The following WWOX variants were observed in gnomAD, a reference collection of about 807,000 sequenced individuals.
The protein encoded by WWOX is WW domain-containing oxidoreductase.
A neutral mutation model predicts 46.2 loss-of-function variants in WWOX; 69 were observed. That is an observed-to-expected ratio of 1.49 (90% CI 1.23 to 1.82). The LOEUF (loss-of-function observed/expected upper bound fraction) is 1.82. WWOX is among the 40% of genes most tolerant of loss of function. The probability of loss-of-function intolerance (pLI) is 0.00; values close to 1 mark genes in which losing one functional copy is unlikely to be tolerated. For missense variants in WWOX, 919 were observed against 542.6 expected, an observed-to-expected ratio of 1.69 and a Z score of -6.89; for synonymous variants, 359 against 202.6, an observed-to-expected ratio of 1.77 and a Z score of -6.56.
intron 8 of WWOX, among the ~76,000 whole-genome samples, chr16:78,563,661 G>A (rs1482908958): frequency 1.3e-5 from 2 of 151,800 alleles, no homozygotes; most frequent in African/African-American, 4.8e-5. Context: ...TTATCCAGGA[G>A]GAATGATTAG....
At chr16:78,949,001 G>A (rs1272954954) in intron 8 of WWOX, among the ~76,000 whole-genome samples, 1 of 152,102 alleles carries the variant, frequency 6.6e-6, no homozygotes, top group African/African-American at 2.4e-5. Flanking sequence ...GGGGGCACAT[G>A]GCTAGAAATA....
chr16:79,197,970 C>G (rs1440412104), intron 8 of WWOX, among the ~76,000 whole-genome samples: 1 of 152,116 alleles, frequency 6.6e-6, no homozygotes, highest in Non-Finnish European at 1.5e-5. Context: ...TAAATCTTCC[C>G]TTATGTGTAC....
chr16:78,368,587 T>C (rs1195441520), intron 5 of WWOX, among the ~76,000 whole-genome samples: 2 of 152,212 alleles, frequency 1.3e-5, no homozygotes, highest in African/African-American at 2.4e-5. Context: ...TTCATAAATA[T>C]TGAAGAGGCA....
chr16:78,789,372 C>A (rs1465197426), intron 8 of WWOX, among the ~76,000 whole-genome samples: 2 of 152,080 alleles, frequency 1.3e-5, no homozygotes, highest in Non-Finnish European at 2.9e-5. Flanking sequence ...ATGTGAATAT[C>A]CATTTGTCCC....
chr16:78,913,534 C>T (rs1159684156), intron 8 of WWOX, among the ~76,000 whole-genome samples: 1 of 152,050 alleles, frequency 6.6e-6, no homozygotes, highest in Non-Finnish European at 1.5e-5. Flanking sequence ...CTGAGTTCAC[C>T]ACCCAGAGCA....
chr16:78,127,345 T>C (rs2151691712), intron 4 of WWOX, among the ~76,000 whole-genome samples: 1 of 152,200 alleles, frequency 6.6e-6, no homozygotes, highest in Middle Eastern at 3.4e-3. Context: ...TTTCCTAGCT[T>C]CCTGGTTCCC....
intron 8 of WWOX, among the ~76,000 whole-genome samples, chr16:78,947,476 G>C (rs1039925891): frequency 1.3e-5 from 2 of 152,176 alleles, no homozygotes; most frequent in Non-Finnish European, 1.5e-5. Context: ...TCTTCTTCTT[G>C]CAGGGGAGGG....
intron 8 of WWOX, among the ~76,000 whole-genome samples, chr16:79,182,202 G>A (rs1410137461): frequency 6.6e-6 from 1 of 151,774 alleles, no homozygotes; most frequent in Non-Finnish European, 1.5e-5. Context: ...CATGCCCTGT[G>A]TCACCTGACT....
At chr16:78,932,960 T>G (rs924503412) in intron 8 of WWOX, among the ~76,000 whole-genome samples, 2 of 152,172 alleles carry the variant, frequency 1.3e-5, no homozygotes, top group Non-Finnish European at 2.9e-5. Context: ...GGTTGAAACA[T>G]CAGTGTTGAA....
At chr16:78,854,906 C>CTT (rs11324333) in intron 8 of WWOX, among the ~76,000 whole-genome samples, 26 of 141,360 alleles carry the variant, frequency 1.8e-4, no homozygotes, top group South Asian at 4.5e-4. Context: ...TGAACAGCAG[C>CTT]TTTTTTTTTT....
chr16:78,891,644 AAT>A (rs1222018058), intron 8 of WWOX: 1 of 152,160 alleles, frequency 6.6e-6, no homozygotes, highest in Non-Finnish European at 1.5e-5. Context: ...GGTGGCATAA[AAT>A]ATTGAACTAT....
At position 78,314,645 on chromosome 16, in the gene WWOX, C is replaced by G. The variant is rs1477985459; in HGVS notation, c.517-72215C>G. ...GTTCAAGCGATTCTTCTGCCTCAGC[C>G]CCCTGAGTAGCTGGGACTACAGGCA... On this transcript the variant is annotated intron_variant, in intron 5 of 8. Coordinates refer to ENST00000566780, the MANE Select transcript of WWOX (RefSeq NM_016373.4). Among the ~76,000 whole-genome samples the G allele has an allele frequency of 6.7e-5, 10 of 149,304 alleles. No individual in the cohort carries two copies. In the East Asian group the frequency reaches 2.0e-3, roughly 30 times the overall value.
chr16:78,975,448 G>T (rs933880679), intron 8 of WWOX, among the ~76,000 whole-genome samples: 5 of 151,378 alleles, frequency 3.3e-5, no homozygotes, highest in Non-Finnish European at 1.5e-5. Context: ...GGCCTAGAGG[G>T]TTCCCCAACC....
intron 8 of WWOX, among the ~76,000 whole-genome samples, chr16:78,810,999 C>T (rs1289506987): frequency 5.3e-5 from 8 of 152,124 alleles, no homozygotes. Context: ...CATCAAAGAG[C>T]TTCTCTGGTG....
chr16:79,206,474 T>C lies in WWOX; in HGVS notation c.1057-5134T>C, dbSNP rs531911656. On this transcript the variant is annotated intron_variant, in intron 8 of 8. Coordinates refer to ENST00000566780, the MANE Select transcript of WWOX (RefSeq NM_016373.4). ...TCTCTAAATAAATGGAAATACTAAC[T>C]GTCCCTGGCTCATAGAGCTCTGTGA... The C allele has an allele frequency of 4.6e-5, 7 of 152,330 alleles. No homozygotes were observed. The South Asian group carries it at 1.2e-3, about 27-fold the overall frequency. 9.4% of individuals were successfully genotyped at this position (152,330 alleles called of 1,614,324 possible). A position where few individuals can be genotyped will look rare whatever the true frequency, so the allele number is the denominator to read the frequency against.
chr16:79,163,579 A>T (rs1472155311), intron 8 of WWOX, among the ~76,000 whole-genome samples: 1 of 152,162 alleles, frequency 6.6e-6, no homozygotes, highest in Non-Finnish European at 1.5e-5. Flanking sequence ...GGGGTGGATC[A>T]CCTGAAGCCA....
At chr16:79,027,500 C>G (rs1017084397) in intron 8 of WWOX, among the ~76,000 whole-genome samples, 1 of 151,792 alleles carries the variant, frequency 6.6e-6, no homozygotes, top group Non-Finnish European at 1.5e-5. Flanking sequence ...GAACTAATGA[C>G]TTCTGCCTGC....
chr16:78,530,243 G>A (rs117942842), intron 8 of WWOX, among the ~76,000 whole-genome samples: 4 of 152,222 alleles, frequency 2.6e-5, no homozygotes, highest in East Asian at 1.9e-4. Context: ...TGCCATCCAC[G>A]GACGGCTTAA....
intron 5 of WWOX, among the ~76,000 whole-genome samples, chr16:78,164,986 A>G (rs1318382593): frequency 6.6e-6 from 1 of 152,220 alleles, no homozygotes; most frequent in Non-Finnish European, 1.5e-5. Flanking sequence ...GCAGATGTCA[A>G]GAGAAGTATT....
Sources: allele counts gnomAD v4.1 joint callset (sites outside exome capture counted in the v4.1 genomes callset), GRCh38; gene constraint gnomAD v4.1.1; transcripts MANE v1.5; gene names NCBI Gene and HGNC (gene_info 2026-07-23, HGNC 2026-07-21).